SMARCA4: variants seen among roughly 807,000 people sequenced by gnomAD.
SMARCA4 encodes the protein SWI/SNF-related matrix-associated actin-dependent regulator of chromatin subfamily A member 4.
A neutral mutation model predicts 193.9 loss-of-function variants in SMARCA4; 31 were observed. The ratio of observed to expected loss-of-function variants is 0.16; its 90% confidence interval spans 0.12 to 0.22. The LOEUF is 0.22. Ranked by LOEUF, SMARCA4 falls within the 10% of genes least tolerant of loss-of-function variation. The probability of loss-of-function intolerance (pLI) is 1.00; values close to 1 mark genes in which losing one functional copy is unlikely to be tolerated. For missense variants in SMARCA4, 1,148 were observed against 2,296.0 expected, an observed-to-expected ratio of 0.50 and a Z score of 10.22; for synonymous variants, 942 against 933.1, an observed-to-expected ratio of 1.01 and a Z score of -0.17.
intron 19 of SMARCA4, 65 bp from the exon 20 acceptor site, chr19:11,023,453 T>C (rs775681399): frequency 3.9e-5 from 40 of 1,035,532 alleles, no homozygotes; most frequent in Non-Finnish European, 5.6e-5. Flanking sequence ...CCGCACCTTC[T>C]AGTGAGACCT....
rs546811966 is a variant in SMARCA4, at chr19:11,062,155, C to T, written c.*339C>T. The stretch of plus-strand genomic sequence containing the variant: ...CTGTAGTTAAGTGTGGATGCATGTG[C>T]GTCACCGTCCACTCCTCCTACTGTA... On this transcript the variant is annotated 3_prime_UTR_variant, in exon 35 of 35. Transcript: ENST00000344626. 2.1e-5 allele frequency: 9 copies of T among 438,608 alleles called. No homozygotes were observed. The highest frequency in any genetic ancestry group is 3.9e-5 in the East Asian group (1 of 25,610). 27.2% of individuals were successfully genotyped at this position (438,608 alleles called of 1,614,324 possible).
chr19:11,008,487 C>T (rs1042444070), intron 14 of SMARCA4, among the ~76,000 whole-genome samples: 3 of 152,138 alleles, frequency 2.0e-5, no homozygotes, highest in Non-Finnish European at 2.9e-5. Flanking sequence ...ATCCTGTGTC[C>T]GTGCAGAGTG....
Position 11,048,236 on chromosome 19 carries a change from TTTA to T in SMARCA4, c.4424+6679_4424+6681del, listed in dbSNP as rs201029058. On this transcript the variant is annotated intron_variant, in intron 30 of 34. Transcript: ENST00000344626. ...CTTTTTGTTTAATTGGATTTTTTTT[TTTA>T]TTTATTTTTTGAGGCAGAGTCTCAC... Among the ~76,000 whole-genome samples the T allele has an allele frequency of 7.5e-3, 1,149 of 152,260 alleles. 18 individuals carry two copies. The highest frequency in any genetic ancestry group is 0.027 in the African/African-American group (1,102 of 41,540).
intron 34 of SMARCA4, 118 bp from the exon 35 acceptor site, chr19:11,061,666 G>A (rs948770758): frequency 2.7e-5 from 27 of 1,010,170 alleles, no homozygotes; most frequent in Admixed American, 2.4e-4. Flanking sequence ...GTGAGCCACC[G>A]TGCCCGGCCC....
intron 34 of SMARCA4, chr19:11,060,608 A>G (rs570811566): frequency 3.8e-5 from 10 of 262,878 alleles, no homozygotes; most frequent in African/African-American, 2.2e-4. Context: ...CGCCAAGACC[A>G]CAGTGGATAG....
intron 30 of SMARCA4, among the ~76,000 whole-genome samples, chr19:11,045,658 G>A (rs1437438243): frequency 3.4e-5 from 5 of 147,484 alleles, no homozygotes; most frequent in Non-Finnish European, 6.0e-5. Flanking sequence ...TTTTTTTTTA[G>A]TTTTAGACTC....
At chr19:11,009,660 C>T (rs527919364) in intron 14 of SMARCA4, among the ~76,000 whole-genome samples, 1 of 150,784 alleles carries the variant, frequency 6.6e-6, no homozygotes, top group South Asian at 2.1e-4. Flanking sequence ...GCTGGGGTTA[C>T]AGGCATGCAC....
At chr19:11,048,710 G>A (rs753309830) in intron 30 of SMARCA4, among the ~76,000 whole-genome samples, 6 of 152,208 alleles carry the variant, frequency 3.9e-5, no homozygotes, top group African/African-American at 1.4e-4. Context: ...AGGCAGGGAC[G>A]CCCTTCCTGT....
intron 11 of SMARCA4, 35 bp downstream of exon 11, chr19:10,996,579 C>T (rs2145983268): frequency 1.9e-6 from 3 of 1,599,924 alleles, no homozygotes; most frequent in Non-Finnish European, 2.6e-6. Flanking sequence ...AAGTATCAAG[C>T]TAGCCCTAAG....
rs369795542 is a variant in SMARCA4, at chr19:11,021,745, T to C, written c.2637T>C (p.Ile879=). 43 of 1,613,050 alleles carry C rather than the reference T, an allele frequency of 2.7e-5. No homozygotes were observed. Among genetic ancestry groups the C allele is most frequent in the East Asian group, 2.0e-4 (9 of 44,876 alleles). ...ILAKIRWKYM[I]VDEGHRMKNH... is the part of the protein sequence containing the mutation. Reference sequence around the variant, plus strand: ...CGCAGATCCGTTGGAAGTACATGATTGTGGACGAAGGTCACCGCATGAAGA... The same window carrying C: ...CGCAGATCCGTTGGAAGTACATGATCGTGGACGAAGGTCACCGCATGAAGA... The change falls in exon 19 of 35, where the codon ATT becomes ATC. Residue 879 remains isoleucine (I), a synonymous_variant. Transcript: ENST00000344626.
rs563441945 is a variant in SMARCA4 at position 11,033,029 on chromosome 19, CT to C, written c.3547-259del. The C allele has an allele frequency of 7.0e-6, 4 of 574,166 alleles. No individual in the cohort carries two copies. The African/African-American group carries it at 7.4e-5, about 11-fold the overall frequency. The allele number at this position is 574,166 out of a possible 1,614,324, so 35.6% of individuals were successfully genotyped here. ...TAATCCCCTGGGGGGTTGGTGCTTT[CT>C]TCCCGAATATCTGTGGGGTCCCAAT... On this transcript the variant is annotated intron_variant, in intron 25 of 34. Coordinates refer to ENST00000344626, the MANE Select transcript of SMARCA4 (RefSeq NM_003072.5). The surrounding 1 kb of genome is among the most constrained non-coding windows in gnomAD (Gnocchi z 9.8).
At chr19:11,023,466 G>A in intron 19 of SMARCA4, 52 bp from the exon 20 acceptor site, 4 of 1,175,132 alleles carry the variant, frequency 3.4e-6, no homozygotes, top group Non-Finnish European at 5.1e-6. Context: ...TGAGACCTCT[G>A]TCGCCCTCCT....
intron 29 of SMARCA4, among the ~76,000 whole-genome samples, chr19:11,038,045 C>T (rs2075365229): frequency 6.6e-6 from 1 of 152,244 alleles, no homozygotes; most frequent in Non-Finnish European, 1.5e-5. Context: ...CTTCAAAATG[C>T]TCCTATGGCC....
rs2086009000 is a variant in SMARCA4, at chr19:10,986,155, G to A, written c.356-34G>A. 2 of 1,552,418 alleles carry A rather than the reference G, an allele frequency of 1.3e-6. No individual in the cohort carries two copies. Among genetic ancestry groups the A allele is most frequent in the Non-Finnish European group, 1.8e-6 (2 of 1,124,318 alleles). The stretch of plus-strand genomic sequence containing the variant: ...GCTGTAAAAATCACAGACATATGCT[G>A]CCGAGTGACCAGTGGGCTGACCTTT... On this transcript the variant is annotated intron_variant, in intron 3 of 34. Coordinates refer to ENST00000344626, the MANE Select transcript of SMARCA4 (RefSeq NM_003072.5). The surrounding 1 kb of genome is among the most constrained non-coding windows in gnomAD (Gnocchi z 6.7).
At chr19:11,040,462 T>G (rs1431200915) in intron 29 of SMARCA4, 1 of 144,666 alleles carries the variant, frequency 6.9e-6, no homozygotes, top group African/African-American at 2.6e-5. Flanking sequence ...CGTGGTGGTT[T>G]GCGCCTGTAA....
chr19:11,029,278 G>A lies in SMARCA4; in HGVS notation c.3382+1328G>A, dbSNP rs529248489. 1.6e-4 allele frequency among the ~76,000 whole-genome samples: 25 copies of A among 152,306 alleles called. 1 individual carries two copies. The South Asian group carries it at 4.2e-3, about 25-fold the overall frequency. On this transcript the variant is annotated intron_variant, in intron 24 of 34. Coordinates refer to ENST00000344626, the MANE Select transcript of SMARCA4 (RefSeq NM_003072.5). Reference sequence around the variant, plus strand: ...GCCAAGGCTTCCTGAGGGCCATCCCGTCTGTGTCGTGTCCCTGACTCCCCC... The same window carrying A: ...GCCAAGGCTTCCTGAGGGCCATCCCATCTGTGTCGTGTCCCTGACTCCCCC...
chr19:11,009,746 T>A (rs1368806551), intron 14 of SMARCA4, among the ~76,000 whole-genome samples: 2 of 149,708 alleles, frequency 1.3e-5, no homozygotes, highest in East Asian at 3.9e-4. Flanking sequence ...TAGAGTGCAG[T>A]GGCACGATCT....
chr19:11,058,734 C>A lies in SMARCA4; in HGVS notation c.4534-54C>A. On this transcript the variant is annotated intron_variant, in intron 31 of 34. Transcript: ENST00000344626. The surrounding 1 kb of genome is among the most constrained non-coding windows in gnomAD (Gnocchi z 5.8). ...GGTCTCCAGCACACAGCCAGGCCTGCGGGCAGGCGAGGCGGGGTCCTGAGG... is the reference window on the plus strand; with the variant it reads ...GGTCTCCAGCACACAGCCAGGCCTGAGGGCAGGCGAGGCGGGGTCCTGAGG... The A allele has an allele frequency of 6.8e-7, 1 of 1,466,088 alleles. No homozygotes were observed. Among genetic ancestry groups the A allele is most frequent in the Non-Finnish European group, 9.6e-7 (1 of 1,046,452 alleles). 90.8% of individuals were successfully genotyped at this position (1,466,088 alleles called of 1,614,324 possible).
At position 11,058,404 on chromosome 19, in the gene SMARCA4, G is replaced by A; in HGVS notation, c.4533+41G>A. The A allele has an allele frequency of 7.1e-7, 1 of 1,418,158 alleles. No homozygotes were observed. Among genetic ancestry groups the A allele is most frequent in the East Asian group, 2.3e-5 (1 of 43,694 alleles). 87.8% of individuals were successfully genotyped at this position (1,418,158 alleles called of 1,614,324 possible). On this transcript the variant is annotated intron_variant, in intron 31 of 34. Transcript: ENST00000344626. This position sits in a 1 kb window ranked among gnomAD's most constrained non-coding sequence, Gnocchi z 5.8. ...TACCTGCGCCCCGCATGTGCCCGGA[G>A]GGGAGTCTGACCCAGGGGCACCCCC...
Sources: gnomAD v4.1 joint callset for allele counts (sites outside exome capture counted in the v4.1 genomes callset) on GRCh38, gnomAD v4.1.1 for gene constraint, Gnocchi (gnomAD v3.1) non-coding constraint, MANE v1.5 for transcripts, NCBI Gene and HGNC (gene_info 2026-07-23, HGNC 2026-07-21) for gene names.